ANKRD30B: variants seen among roughly 807,000 people sequenced by gnomAD.
ANKRD30B encodes ankyrin repeat domain-containing protein 30B.
In ANKRD30B, 144 loss-of-function variants were observed where a neutral mutation model predicts 202.2. That is an observed-to-expected ratio of 0.71 (90% CI 0.62 to 0.82). ANKRD30B has a LOEUF of 0.82. Ranked by LOEUF, ANKRD30B falls within the 40% of genes least tolerant of loss-of-function variation. The pLI is 0.00. For missense variants in ANKRD30B, 1,487 were observed against 1,669.1 expected (o/e 0.89, Z 1.90); for synonymous variants, 508 against 561.3 (o/e 0.91, Z 1.34).
intron 7 of ANKRD30B, among the ~76,000 whole-genome samples, chr18:14,765,059 G>C (rs1475769379): frequency 4.6e-5 from 7 of 152,192 alleles, no homozygotes; most frequent in Non-Finnish European, 5.9e-5. Context: ...GGATTCATTG[G>C]AAAGGTTTGA....
intron 14 of ANKRD30B, among the ~76,000 whole-genome samples, chr18:14,786,683 T>G (rs1439717672): frequency 6.6e-6 from 1 of 152,118 alleles, no homozygotes; most frequent in Non-Finnish European, 1.5e-5. Context: ...AACTAAAAAT[T>G]TACAAAGAAA....
chr18:14,867,628 G>A, the ANKRD30B span, among the ~76,000 whole-genome samples: 2 of 152,188 alleles, frequency 1.3e-5, no homozygotes, highest in Non-Finnish European at 2.9e-5. Context: ...GGGGCTCAGG[G>A]TCCTGTGGGT....
chr18:14,825,072 ATTG>A (rs1970606121), intron 32 of ANKRD30B: 2 of 152,102 alleles, frequency 1.3e-5, no homozygotes, highest in Admixed American at 6.6e-5. Flanking sequence ...TGTGCTGATA[ATTG>A]TTGTCCCATG....
At chr18:14,808,230 A>C in intron 24 of ANKRD30B, 1 of 346,792 alleles carries the variant, frequency 2.9e-6, no homozygotes, top group Non-Finnish European at 5.5e-6. Context: ...ATCTTAATAA[A>C]TTCAACTTCT....
At chr18:14,835,246 T>A (rs1301831021) in intron 34 of ANKRD30B, among the ~76,000 whole-genome samples, 2 of 151,702 alleles carry the variant, frequency 1.3e-5, no homozygotes, top group Non-Finnish European at 3.0e-5. Flanking sequence ...TACTCTGACA[T>A]TTTTGCTCAT....
the ANKRD30B span, among the ~76,000 whole-genome samples, chr18:14,933,719 A>G: frequency 7.1e-6 from 1 of 141,222 alleles, no homozygotes; most frequent in Non-Finnish European, 1.5e-5. Context: ...GGCATTAATC[A>G]GTGGCCACTA....
In ANKRD30B at chr18:14,791,506, T is replaced by C. The variant is rs759740579; in HGVS notation, c.1825+15T>C. 1.3e-6 allele frequency: 2 copies of C among 1,588,126 alleles called. No homozygotes were observed. Among genetic ancestry groups the C allele is most frequent in the Non-Finnish European group, 8.6e-7 (1 of 1,165,250 alleles). ...AAAATTAGAAGGTAAGAACCATTTT[T>C]TAATTAAAAAGTCATTTGACCAAAT... is the stretch of plus-strand genomic sequence containing the variant. On this transcript the variant is annotated intron_variant, in intron 16 of 43. Coordinates refer to ENST00000690538, the MANE Select transcript of ANKRD30B (RefSeq NM_001367607.2).
the ANKRD30B span, among the ~76,000 whole-genome samples, chr18:14,939,863 C>T: frequency 9.2e-5 from 14 of 152,214 alleles, no homozygotes; most frequent in South Asian, 2.1e-4. Flanking sequence ...CCGCGTCCAG[C>T]GTAACTTACA....
chr18:14,765,367 G>A (rs1915947462), intron 7 of ANKRD30B, among the ~76,000 whole-genome samples: 1 of 151,970 alleles, frequency 6.6e-6, no homozygotes, highest in Non-Finnish European at 1.5e-5. Context: ...GGAGGCTGAG[G>A]GAGGAGAATT....
At chr18:14,854,832 AACACACACACACACACACAC>A (rs56259305), downstream of ANKRD30B, among the ~76,000 whole-genome samples, 7 of 134,184 alleles carry the variant, frequency 5.2e-5, no homozygotes, top group East Asian at 9.0e-4. Context: ...ACTATCCACG[AACACACACACACACACACAC>A]ACACACACAC....
chr18:14,763,790 T>C lies in ANKRD30B; in HGVS notation c.925T>C (p.Leu309=), dbSNP rs775290120. ...AAAAACACCTGACGAGGCTGCACGC[T>C]TGGTGGAGGGAACGTCTGCCAAAAT... ...LEKTPDEAAR[L]VEGTSAKIQC... The change falls in exon 7 of 44, where the codon TTG becomes CTG. Residue 309 remains leucine (L), a synonymous_variant. Coordinates refer to ENST00000690538, the MANE Select transcript of ANKRD30B (RefSeq NM_001367607.2). 8 of 1,613,978 alleles carry C rather than the reference T, an allele frequency of 5.0e-6. 1 individual carries two copies. In the African/African-American group the frequency reaches 5.3e-5, roughly 11 times the overall value.
At chr18:14,855,854 C>T (rs150550058), downstream of ANKRD30B, among the ~76,000 whole-genome samples, 114 of 144,758 alleles carry the variant, frequency 7.9e-4, no homozygotes, top group East Asian at 0.015. Flanking sequence ...ACCTCCCAGA[C>T]GTCGCGGCCA....
chr18:14,775,284 C>G (rs1026361807), intron 9 of ANKRD30B, among the ~76,000 whole-genome samples: 35 of 152,172 alleles, frequency 2.3e-4, no homozygotes, highest in African/African-American at 8.2e-4. Context: ...GAAAATAAGG[C>G]TTAGAAGGCA....
At chr18:14,865,959 G>A in the ANKRD30B span, among the ~76,000 whole-genome samples, 1 of 152,078 alleles carries the variant, frequency 6.6e-6, no homozygotes, top group Non-Finnish European at 1.5e-5. Context: ...TGGACTACAC[G>A]TTCCAGGATT....
the ANKRD30B span, among the ~76,000 whole-genome samples, chr18:14,913,504 T>C: frequency 6.6e-6 from 1 of 152,358 alleles, no homozygotes; most frequent in Non-Finnish European, 1.5e-5. Context: ...ATACTATATA[T>C]GAACAATTCA....
the ANKRD30B span, among the ~76,000 whole-genome samples, chr18:14,871,313 A>G: frequency 7.6e-6 from 1 of 131,466 alleles, no homozygotes; most frequent in Non-Finnish European, 1.6e-5. Context: ...ACCAATTCCC[A>G]CGCTCTTGGC....
chr18:14,867,224 G>T, the ANKRD30B span, among the ~76,000 whole-genome samples: 1 of 150,738 alleles, frequency 6.6e-6, no homozygotes, highest in South Asian at 2.1e-4. Context: ...GTCCACCACG[G>T]GTGGTTTGGG....
At position 14,795,435 on chromosome 18, in the gene ANKRD30B, G is replaced by A. The variant is rs545630715; in HGVS notation, c.1826-786G>A. ...TGCTTTGGAACTCCTGGCCTTGAGA[G>A]ATCCGCCCTCTTCAGGCGTCCAAGG... On this transcript the variant is annotated intron_variant, in intron 16 of 43. Transcript: ENST00000690538. 6.6e-5 allele frequency among the ~76,000 whole-genome samples: 10 copies of A among 152,288 alleles called. No individual in the cohort carries two copies. In the East Asian group the frequency reaches 1.9e-3, roughly 29 times the overall value.
At chr18:14,897,047 C>A in the ANKRD30B span, among the ~76,000 whole-genome samples, 1 of 149,976 alleles carries the variant, frequency 6.7e-6, no homozygotes, top group East Asian at 1.9e-4. Flanking sequence ...ATAGATAGAG[C>A]TTGAATTAGA....
Sources: allele counts gnomAD v4.1 joint callset (sites outside exome capture counted in the v4.1 genomes callset), GRCh38; gene constraint gnomAD v4.1.1; transcripts MANE v1.5; gene names NCBI Gene and HGNC (gene_info 2026-07-23, HGNC 2026-07-21).